ATG9B: variants seen among roughly 807,000 people sequenced by gnomAD.
ATG9B encodes autophagy related 9B, also known as autophagy-related protein 9B.
ATG9B carries 92 observed loss-of-function variants against 92.9 expected under a neutral mutation model. The ratio of observed to expected loss-of-function variants is 0.99; its 90% CI spans 0.84 to 1.18. The LOEUF is 1.18. ATG9B is among the 50% of genes most tolerant of loss of function. The pLI, the probability that ATG9B is intolerant of heterozygous loss-of-function variation, is 0.00. For synonymous variants in ATG9B, 599 were observed against 551.4 expected, an observed-to-expected ratio of 1.09 and a Z score of -1.21; for missense variants, 1,344 against 1,235.0, an observed-to-expected ratio of 1.09 and a Z score of -1.32.
chr7:151,016,345 C>T lies in ATG9B; in HGVS notation c.2520+86G>A, dbSNP rs978515916. 2.0e-6 allele frequency: 3 copies of T among 1,511,446 alleles called. No individual in the cohort carries two copies. The African/African-American group carries it at 4.1e-5, about 21-fold the overall frequency. 93.6% of individuals were successfully genotyped at this position (1,511,446 alleles called of 1,614,324 possible). On this transcript the variant is annotated intron_variant, in intron 11 of 13. Coordinates refer to ENST00000639579, the MANE Select transcript of ATG9B (RefSeq NM_001317056.2). ...CCTCCTCCTGCCACTCTGCTAGACC[C>T]TTCCGTAGACTCCACCCCACCTCAG...
In ATG9B at chr7:151,023,746, A is replaced by G; in HGVS notation, c.551-16T>C. On this transcript the variant is annotated splice_polypyrimidine_tract_variant and intron_variant, in intron 1 of 13. Coordinates refer to ENST00000639579, the MANE Select transcript of ATG9B (RefSeq NM_001317056.2). ...TGCCAGGAGCCTGGGCACAGAGGGG[A>G]GAGTGTCAGCCCCTGGCATGTGATC... is the stretch of plus-strand genomic sequence containing the variant. 2 of 1,613,922 alleles carry G rather than the reference A, an allele frequency of 1.2e-6. No individual in the cohort carries two copies. Among genetic ancestry groups the G allele is most frequent in the Non-Finnish European group, 1.7e-6 (2 of 1,179,960 alleles).
At chr7:151,013,388 C>T (rs1795350174), downstream of ATG9B, 1 of 1,608,170 alleles carries the variant, frequency 6.2e-7, no homozygotes, top group African/African-American at 1.3e-5. Context: ...AGGTGTGAGA[C>T]CCTGAGGGCG....
rs938658983 is a variant in ATG9B, at chr7:151,019,119, C to A, written c.1219G>T (p.Gly407Cys). 2 of 1,535,898 alleles carry A rather than the reference C, an allele frequency of 1.3e-6. No individual in the cohort carries two copies. Among genetic ancestry groups the A allele is most frequent in the Middle Eastern group, 1.7e-4 (1 of 5,950 alleles). The change falls in exon 6 of 14, where the codon GGT (glycine) becomes TGT (cysteine). Residue 407 changes from glycine (G) to cysteine (C), a missense_variant. Gly to Cys is a radical substitution (Grantham distance 159). Coordinates refer to ENST00000639579, the MANE Select transcript of ATG9B (RefSeq NM_001317056.2). ...CCCCCGCGGAAGAGCGAGAAGGGAC[C>A]GCGGAAGAGCAGCAGGTCGACATTG... Reference protein sequence around the residue: ...ALNVDLLLFRGPFSLFRGGWE... With the variant: ...ALNVDLLLFRCPFSLFRGGWE...
In ATG9B at chr7:151,018,210, A is replaced by G; in HGVS notation, c.1872+84T>C. The G allele has an allele frequency of 6.7e-7, 1 of 1,481,712 alleles. No homozygotes were observed. The highest frequency in any genetic ancestry group is 2.3e-5 in the East Asian group (1 of 42,678). 91.8% of individuals were successfully genotyped at this position (1,481,712 alleles called of 1,614,324 possible). On this transcript the variant is annotated intron_variant, in intron 7 of 13. Coordinates refer to ENST00000639579, the MANE Select transcript of ATG9B (RefSeq NM_001317056.2). The surrounding 1 kb of genome is among the most constrained non-coding windows in gnomAD (Gnocchi z 4.7). ...GTCCGTTTGTCTCATGCCCTCTCCC[A>G]GACAGACCCTCCGCGCAGACAGACC...
intron 5 of ATG9B, chr7:151,020,907 T>C (rs1795721248): frequency 3.3e-6 from 1 of 307,284 alleles, no homozygotes; most frequent in Non-Finnish European, 6.0e-6. Flanking sequence ...CTGCCCTTTC[T>C]CTTTTCTCTA....
At chr7:151,013,437 G>A, downstream of ATG9B, 1 of 1,547,012 alleles carries the variant, frequency 6.5e-7, no homozygotes, top group Non-Finnish European at 8.7e-7. Context: ...GGGAGGACTC[G>A]CGCTCTCCAG....
At position 151,018,718 on chromosome 7, in the gene ATG9B, G is replaced by A. The variant is rs765490252; in HGVS notation, c.1620C>T (p.Ala540=). 1.1e-5 allele frequency: 17 copies of A among 1,596,632 alleles called. No individual in the cohort carries two copies. The highest frequency in any genetic ancestry group is 1.3e-5 in the Non-Finnish European group (15 of 1,174,448). ...QLVFFAGALF[A]ALLVLTVYDE... ...CGTAGACGGTGAGCACAAGCAGCGC[G>A]GCGAAGAGTGCACCCGCGAAGAAAA... The change falls in exon 6 of 14, where the codon GCC becomes GCT. Residue 540 remains alanine, a synonymous_variant. Coordinates refer to ENST00000639579, the MANE Select transcript of ATG9B (RefSeq NM_001317056.2). The surrounding 1 kb of genome is among the most constrained non-coding windows in gnomAD (Gnocchi z 4.7).
chr7:151,015,787 A>G, intron 13 of ATG9B, 74 bp from the exon 14 acceptor site: 2 of 1,435,450 alleles, frequency 1.4e-6, no homozygotes, highest in Non-Finnish European at 1.8e-6. Context: ...CCATCACCCC[A>G]AATTCCCACC....
In ATG9B at chr7:151,023,947, A is replaced by G. The variant is rs770321869; in HGVS notation, c.477T>C (p.Pro159=). The change falls in exon 1 of 14, where the codon CCT becomes CCC. Residue 159 remains proline, a synonymous_variant. Transcript: ENST00000639579. ...GGATGGGTGAGTCTTGGGACCCCTC[A>G]GGGTCACAGTCCTCCAGCCGCTCAT... ...QDYERLEDCD[P]EGSQDSPIHG... is the part of the protein sequence containing the mutation. 5.7e-6 allele frequency: 9 copies of G among 1,590,238 alleles called. No individual in the cohort carries two copies. Among genetic ancestry groups the G allele is most frequent in the Non-Finnish European group, 7.7e-6 (9 of 1,168,590 alleles).
chr7:151,024,145 G>A lies in ATG9B; in HGVS notation c.279C>T (p.Ile93=). The part of the protein sequence containing the change: ...ASQSCHSALP[I]PATPPTQAQP... ...GAGCCTGTGTTGGGGGGGTGGCTGG[G>A]ATAGGGAGAGCACTGTGGCAAGACT... is the stretch of plus-strand genomic sequence containing the variant. The change falls in exon 1 of 14, where the codon ATC becomes ATT. Residue 93 remains isoleucine, a synonymous_variant. Transcript: ENST00000639579. 3 of 1,581,498 alleles carry A rather than the reference G, an allele frequency of 1.9e-6. No individual in the cohort carries two copies. The highest frequency in any genetic ancestry group is 3.4e-5 in the Admixed American group (2 of 58,120).
downstream of ATG9B, chr7:151,014,446 C>A (rs904866778): frequency 8.8e-6 from 4 of 454,508 alleles, no homozygotes; most frequent in Admixed American, 1.2e-4. Context: ...GTTTCTTAGT[C>A]GAATGTTAGA....
chr7:151,024,216 T>G lies in ATG9B; in HGVS notation c.208A>C (p.Thr70Pro). Residue 70 changes from threonine to proline, a missense_variant, in exon 1 of 14, where the codon ACC (threonine) becomes CCC (proline). By Grantham distance (38) the Thr-to-Pro change is conservative. Transcript: ENST00000639579. ...AGCACTGAGCAAGGGGGCCCTGCGGTGGGAGGGGAAAATGAGGAGGGGGAG... is the reference window on the plus strand; with the variant it reads ...AGCACTGAGCAAGGGGGCCCTGCGGGGGGAGGGGAAAATGAGGAGGGGGAG... ...RSSPSSFSPP[T>P]AGPPCSVLQG... The G allele has an allele frequency of 1.4e-6, 2 of 1,463,858 alleles. No homozygotes were observed. Among genetic ancestry groups the G allele is most frequent in the Non-Finnish European group, 9.1e-7 (1 of 1,103,722 alleles). 90.7% of individuals were successfully genotyped at this position (1,463,858 alleles called of 1,614,324 possible).
At chr7:151,019,591 C>T (rs1286641673) in intron 5 of ATG9B, among the ~76,000 whole-genome samples, 1 of 152,208 alleles carries the variant, frequency 6.6e-6, no homozygotes, top group Middle Eastern at 3.2e-3. Context: ...TTCCTTCATC[C>T]TCTTCTAAAC....
downstream of ATG9B, chr7:151,012,978 C>T (rs1259414343): frequency 1.5e-5 from 8 of 520,306 alleles, no homozygotes; most frequent in Non-Finnish European, 2.7e-5. Context: ...ATTCTGAGTC[C>T]GAAGCCGCGC....
At chr7:151,013,320 C>A (rs1173680199), downstream of ATG9B, 4 of 1,614,060 alleles carry the variant, frequency 2.5e-6, no homozygotes, top group South Asian at 4.4e-5. Context: ...GAACGCCCAG[C>A]AGCGCGGGGT....
chr7:151,020,390 A>AC (rs1156749547), intron 5 of ATG9B: 1 of 152,818 alleles, frequency 6.5e-6, no homozygotes, highest in Non-Finnish European at 1.5e-5. Flanking sequence ...GAGGAGGAGA[A>AC]CGAGACGGGT....
rs1216269120 is a variant in ATG9B at position 151,024,187 on chromosome 7, C to CT, written c.236dup (p.Thr81AspfsTer68). ...GGCAAGACTGAGAAGCCCCTGTCCC[C>CT]TGTAGCACTGAGCAAGGGGGCCCTG... On this transcript the variant is annotated frameshift_variant, in exon 1 of 14. Transcript: ENST00000639579. LOFTEE classifies it high-confidence loss of function. 1 of 1,527,252 alleles carries CT rather than the reference C, an allele frequency of 6.5e-7. No homozygotes were observed. The highest frequency in any genetic ancestry group is 8.8e-7 in the Non-Finnish European group (1 of 1,137,610). The allele number at this position is 1,527,252 out of a possible 1,614,324, so 94.6% of individuals were successfully genotyped here.
rs1219289393 is a variant in ATG9B, at chr7:151,024,063, G to A, written c.361C>T (p.Pro121Ser). 2.5e-6 allele frequency: 4 copies of A among 1,594,000 alleles called. No individual in the cohort carries two copies. The African/African-American group carries it at 5.4e-5, about 21-fold the overall frequency. Residue 121 changes from proline to serine, a missense_variant, in exon 1 of 14, where the codon CCC becomes TCC. Pro to Ser is a moderately conservative substitution (Grantham distance 74). Coordinates refer to ENST00000639579, the MANE Select transcript of ATG9B (RefSeq NM_001317056.2). ...GGAGTGGGGGTTGCCGGGGCCAGGG[G>A]TGGGGTGGAGTGGGATCCCCAGGAG... ...SPSWGSHSTP[P>S]LAPATPTPSQ...
Position 151,019,039 on chromosome 7 carries a change from C to G in ATG9B, c.1299G>C (p.Ala433=), listed in dbSNP as rs1795644061. ...KRSDQRGALA[A]RWGRTVLLLA... is the part of the protein sequence containing the mutation. ...GCAGCAGCACTGTGCGCCCCCAGCG[C>G]GCTGCTAGGGCGCCCCGCTGGTCGC... The change falls in exon 6 of 14, where the codon GCG becomes GCC. Residue 433 remains alanine (A), a synonymous_variant. Coordinates refer to ENST00000639579, the MANE Select transcript of ATG9B (RefSeq NM_001317056.2). 1 of 1,541,138 alleles carries G rather than the reference C, an allele frequency of 6.5e-7. No individual in the cohort carries two copies. Among genetic ancestry groups the G allele is most frequent in the African/African-American group, 1.4e-5 (1 of 73,058 alleles).
Sources: allele counts gnomAD v4.1 joint callset (sites outside exome capture counted in the v4.1 genomes callset), GRCh38; gene constraint gnomAD v4.1.1; non-coding constraint Gnocchi (gnomAD v3.1); transcripts MANE v1.5; gene names NCBI Gene and HGNC (gene_info 2026-07-23, HGNC 2026-07-21).